Variants in COL23A1 observed in about 807,000 individuals in gnomAD.
COL23A1 encodes collagen alpha-1(XXIII) chain.
In COL23A1, 97 loss-of-function variants were observed where a neutral mutation model predicts 99.3. The observed-to-expected ratio is 0.98, with a 90% CI of 0.83 to 1.16. COL23A1 has a LOEUF of 1.16. COL23A1 is among the 50% of genes most tolerant of loss of function. COL23A1 has a pLI of 0.00. For synonymous variants in COL23A1, 320 were observed against 308.2 expected (o/e 1.04, Z -0.40); for missense variants, 762 against 757.4 (o/e 1.01, Z -0.07).
intron 2 of COL23A1, among the ~76,000 whole-genome samples, chr5:178,465,455 A>G (rs1184906145): frequency 2.0e-5 from 3 of 152,206 alleles, no homozygotes; most frequent in East Asian, 3.9e-4. Context: ...GCATGGGTTT[A>G]AAAGCATTCT....
At position 178,403,123 on chromosome 5, in the gene COL23A1, T is replaced by TA. The variant is rs1193086511; in HGVS notation, c.362-96205dup. On this transcript the variant is annotated intron_variant, in intron 2 of 28. Transcript: ENST00000390654. Reference sequence around the variant, plus strand: ...GACTCCATCTCAAAAAAAAAAAAAATAAATAAATAAAAAATAAATACCATT... The same window carrying TA: ...GACTCCATCTCAAAAAAAAAAAAAATAAAATAAATAAAAAATAAATACCATT... 1.9e-4 allele frequency among the ~76,000 whole-genome samples: 9 copies of TA among 47,220 alleles called. 1 individual carries two copies. Among genetic ancestry groups the TA allele is most frequent in the African/African-American group, 1.1e-3 (9 of 8,310 alleles). 31.0% of individuals were successfully genotyped at this position (47,220 alleles called of 152,430 possible).
chr5:178,277,042 G>A (rs548130182), intron 5 of COL23A1, among the ~76,000 whole-genome samples: 2 of 152,158 alleles, frequency 1.3e-5, no homozygotes, highest in Non-Finnish European at 2.9e-5. Flanking sequence ...ATGTCTTTCT[G>A]GGAGCCAGGT....
chr5:178,385,938 CT>C (rs1268769873), intron 2 of COL23A1, among the ~76,000 whole-genome samples: 1 of 152,148 alleles, frequency 6.6e-6, no homozygotes, highest in Non-Finnish European at 1.5e-5. Context: ...CGTAATACAG[CT>C]GACATTTCTC....
intron 2 of COL23A1, among the ~76,000 whole-genome samples, chr5:178,435,821 C>G (rs1426989628): frequency 1.3e-5 from 2 of 152,214 alleles, no homozygotes; most frequent in Non-Finnish European, 2.9e-5. Context: ...GGACCTGTCA[C>G]TGAGGACTGA....
At chr5:178,302,173 TGC>T (rs1758093282) in intron 3 of COL23A1, among the ~76,000 whole-genome samples, 3 of 43,338 alleles carry the variant, frequency 6.9e-5, no homozygotes, top group South Asian at 4.7e-4. Flanking sequence ...ACAGCTTCAA[TGC>T]TGCACCTCTG....
intron 2 of COL23A1, among the ~76,000 whole-genome samples, chr5:178,543,456 A>G (rs1426013606): frequency 6.6e-6 from 1 of 152,190 alleles, no homozygotes; most frequent in Non-Finnish European, 1.5e-5. Context: ...AAAGGATGAC[A>G]GCCTGCTCAA....
intron 2 of COL23A1, among the ~76,000 whole-genome samples, chr5:178,527,025 G>A (rs1014171818): frequency 6.6e-6 from 1 of 152,220 alleles, no homozygotes; most frequent in South Asian, 2.1e-4. Flanking sequence ...AGGACGGGGA[G>A]GGGGAAGCTG....
intron 2 of COL23A1, among the ~76,000 whole-genome samples, chr5:178,344,138 T>A (rs1345237558): frequency 2.0e-5 from 3 of 152,178 alleles, no homozygotes; most frequent in Non-Finnish European, 1.5e-5. Flanking sequence ...TCCCTTGGTA[T>A]CTGTGGGGGA....
At chr5:178,391,318 T>C (rs942472277) in intron 2 of COL23A1, among the ~76,000 whole-genome samples, 1 of 152,266 alleles carries the variant, frequency 6.6e-6, no homozygotes, top group Non-Finnish European at 1.5e-5. Context: ...AGCCATGGAA[T>C]GGCAGAAAAT....
Position 178,569,433 on chromosome 5 carries a change from C to T in COL23A1, c.295-8685G>A, listed in dbSNP as rs145987366. On this transcript the variant is annotated intron_variant, in intron 1 of 28. Coordinates refer to ENST00000390654, the MANE Select transcript of COL23A1 (RefSeq NM_173465.4). The stretch of plus-strand genomic sequence containing the variant: ...GTTGGTGGAAGTTTTCCAATGGTTT[C>T]GTGCTGGTCTTCACATTAGTCCTTA... Among the ~76,000 whole-genome samples, 40 of 152,298 alleles carry T rather than the reference C, an allele frequency of 2.6e-4. 1 individual carries two copies. In the East Asian group the frequency reaches 7.1e-3, roughly 27 times the overall value.
chr5:178,480,789 C>T (rs1562009528), intron 2 of COL23A1, among the ~76,000 whole-genome samples: 1 of 152,140 alleles, frequency 6.6e-6, no homozygotes, highest in Non-Finnish European at 1.5e-5. Flanking sequence ...ACAGGTTGGA[C>T]TGTGTGAATC....
chr5:178,318,775 G>C (rs1207830098), intron 2 of COL23A1, among the ~76,000 whole-genome samples: 2 of 152,080 alleles, frequency 1.3e-5, no homozygotes, highest in Non-Finnish European at 2.9e-5. Context: ...GGTGGCGGGC[G>C]CCTGTAACTT....
In COL23A1 at chr5:178,310,061, C is replaced by G. The variant is rs936264165; in HGVS notation, c.362-3142G>C. 6.6e-6 allele frequency among the ~76,000 whole-genome samples: 1 copy of G among 152,230 alleles called. No homozygotes were observed. The highest frequency in any genetic ancestry group is 2.4e-5 in the African/African-American group (1 of 41,454). On this transcript the variant is annotated intron_variant, in intron 2 of 28. Coordinates refer to ENST00000390654, the MANE Select transcript of COL23A1 (RefSeq NM_173465.4). This position sits in a 1 kb window ranked among gnomAD's most constrained non-coding sequence, Gnocchi z 4.3. ...CAAGCTCCAGGGCTTAGGAGAGACA[C>G]AGGGCCACCTGGTCTGATGTGACGT...
At chr5:178,243,770 G>A (rs1764532933) in intron 25 of COL23A1, among the ~76,000 whole-genome samples, 1 of 152,198 alleles carries the variant, frequency 6.6e-6, no homozygotes, top group Non-Finnish European at 1.5e-5. Flanking sequence ...GCTTTGAGAT[G>A]CCACCCTGAG....
At chr5:178,264,033 T>C (rs1180934422) in intron 8 of COL23A1, among the ~76,000 whole-genome samples, 1 of 152,152 alleles carries the variant, frequency 6.6e-6, no homozygotes, top group African/African-American at 2.4e-5. Context: ...GAGCCCATAA[T>C]GGTTGCCAGG....
At position 178,489,474 on chromosome 5, in the gene COL23A1, C is replaced by T. The variant is rs559613143; in HGVS notation, c.361+71208G>A. On this transcript the variant is annotated intron_variant, in intron 2 of 28. Transcript: ENST00000390654. ...ACAGCCTGTCATGGGACTTTGCCTT[C>T]GCAACCATGTGAGTCAATTCTTCCC... is the stretch of plus-strand genomic sequence containing the variant. Among the ~76,000 whole-genome samples the T allele has an allele frequency of 8.5e-5, 13 of 152,334 alleles. No individual in the cohort carries two copies. The South Asian group carries it at 1.2e-3, about 15-fold the overall frequency.
intron 2 of COL23A1, among the ~76,000 whole-genome samples, chr5:178,522,329 G>A (rs1374465677): frequency 1.3e-5 from 2 of 152,124 alleles, no homozygotes; most frequent in African/African-American, 2.4e-5. Context: ...CCTTAGAATC[G>A]TGTTTTGGTC....
intron 2 of COL23A1, among the ~76,000 whole-genome samples, chr5:178,410,810 C>A (rs757575272): frequency 6.6e-6 from 1 of 152,062 alleles, no homozygotes; most frequent in Non-Finnish European, 1.5e-5. Flanking sequence ...TGTTAAAGGA[C>A]ATTATCAAAA....
At chr5:178,368,328 G>C (rs1267423702) in intron 2 of COL23A1, among the ~76,000 whole-genome samples, 1 of 152,144 alleles carries the variant, frequency 6.6e-6, no homozygotes. Context: ...GCAAAATAGA[G>C]TGGAAAGTGC....
Sources: gnomAD v4.1 joint callset for allele counts (sites outside exome capture counted in the v4.1 genomes callset) on GRCh38, gnomAD v4.1.1 for gene constraint, Gnocchi (gnomAD v3.1) non-coding constraint, MANE v1.5 for transcripts, NCBI Gene and HGNC (gene_info 2026-07-23, HGNC 2026-07-21) for gene names.